Variants in CFB observed in about 807,000 individuals in gnomAD.
CFB encodes B-factor, properdin.
A neutral mutation model predicts 97.2 loss-of-function variants in CFB; 59 were observed. That is an observed-to-expected ratio of 0.61 (90% CI 0.49 to 0.75). The LOEUF (loss-of-function observed/expected upper bound fraction) is 0.75. CFB is among the 30% of genes least tolerant of loss of function. The pLI, the probability that CFB is intolerant of heterozygous loss-of-function variation, is 0.00. For missense variants in CFB, 771 were observed against 959.8 expected (o/e 0.80, Z 2.60); for synonymous variants, 316 against 351.7 (o/e 0.90, Z 1.14).
At position 31,946,588 on chromosome 6, in the gene CFB, A is replaced by G. The variant is rs1771437858; in HGVS notation, c.280A>G (p.Arg94Gly). The change falls in exon 2 of 18, where the codon AGG (arginine) becomes GGG (glycine). Residue 94 changes from arginine to glycine, a missense_variant. Coordinates refer to ENST00000425368, the MANE Select transcript of CFB (RefSeq NM_001710.6). The surrounding 1 kb of genome is among the most constrained non-coding windows in gnomAD (Gnocchi z 6.4). ...TLKTQDQKTV[R>G]KAECRAIHCP... is the part of the protein sequence containing the mutation. ...GAAGACTCAAGACCAAAAGACTGTC[A>G]GGAAGGCAGAGTGCAGAGGTTTGAG... 1.9e-6 allele frequency: 3 copies of G among 1,610,274 alleles called. No individual in the cohort carries two copies. The African/African-American group carries it at 4.0e-5, about 21-fold the overall frequency.
At chr6:31,948,120 C>T in intron 6 of CFB, 39 bp downstream of exon 6, 3 of 1,610,146 alleles carry the variant, frequency 1.9e-6, no homozygotes, top group Non-Finnish European at 2.5e-6. Context: ...GGAATGGAAT[C>T]TCGCTGATCT....
At position 31,949,960 on chromosome 6, in the gene CFB, C is replaced by G; in HGVS notation, c.1409-90C>G. 2.4e-6 allele frequency: 3 copies of G among 1,257,142 alleles called. No homozygotes were observed. In the East Asian group the frequency reaches 7.0e-5, roughly 29 times the overall value. 77.9% of individuals were successfully genotyped at this position (1,257,142 alleles called of 1,614,324 possible). Reference sequence around the variant, plus strand: ...GGTCTTTCCCTTTCTCCTTTTGGGCCTTTGCTCCCCATAGACTCCTACCCA... The same window carrying G: ...GGTCTTTCCCTTTCTCCTTTTGGGCGTTTGCTCCCCATAGACTCCTACCCA... On this transcript the variant is annotated intron_variant, in intron 10 of 17. Transcript: ENST00000425368.
Position 31,950,674 on chromosome 6 carries a change from C to G in CFB, c.1680C>G (p.Asn560Lys). Residue 560 changes from asparagine (N) to lysine (K), a missense_variant, in exon 13 of 18, where the codon AAC (asparagine) becomes AAG (lysine). Transcript: ENST00000425368. Reference protein sequence around the residue: ...IEVVLFHPNYNINGKKEAGIP... With the variant: ...IEVVLFHPNYKINGKKEAGIP... ...TAGTCCTATTTCACCCCAACTACAACATTAATGGGAAAAAAGAAGCAGGAA... is the reference window on the plus strand; with the variant it reads ...TAGTCCTATTTCACCCCAACTACAAGATTAATGGGAAAAAAGAAGCAGGAA... 1 of 1,613,028 alleles carries G rather than the reference C, an allele frequency of 6.2e-7. No individual in the cohort carries two copies. The highest frequency in any genetic ancestry group is 8.5e-7 in the Non-Finnish European group (1 of 1,180,020).
In CFB at chr6:31,947,482, G is replaced by A; in HGVS notation, c.619G>A (p.Glu207Lys). Residue 207 changes from glutamate (E) to lysine (K), a missense_variant, in exon 4 of 18, where the codon GAA becomes AAA. Coordinates refer to ENST00000425368, the MANE Select transcript of CFB (RefSeq NM_001710.6). This position sits in a 1 kb window ranked among gnomAD's most constrained non-coding sequence, Gnocchi z 5.3. ...LRGSQRRTCQEGGSWSGTEPS... is the reference protein window; with the variant it reads ...LRGSQRRTCQKGGSWSGTEPS... ...TGGCTCCCAGCGGCGAACGTGTCAGGAAGGTGGCTCTTGGAGCGGGACGGA... is the reference window on the plus strand; with the variant it reads ...TGGCTCCCAGCGGCGAACGTGTCAGAAAGGTGGCTCTTGGAGCGGGACGGA... 1 of 1,613,004 alleles carries A rather than the reference G, an allele frequency of 6.2e-7. No homozygotes were observed. Among genetic ancestry groups the A allele is most frequent in the Non-Finnish European group, 8.5e-7 (1 of 1,180,028 alleles).
At position 31,946,773 on chromosome 6, in the gene CFB, C is replaced by T. The variant is rs891978233; in HGVS notation, c.298+167C>T. On this transcript the variant is annotated intron_variant, in intron 2 of 17. Coordinates refer to ENST00000425368, the MANE Select transcript of CFB (RefSeq NM_001710.6). This position sits in a 1 kb window ranked among gnomAD's most constrained non-coding sequence, Gnocchi z 6.4. ...GGGGGCAAGAAAAAGCGGAGTTAAC[C>T]CTTACTAAGCATTTACCCTGGGCTT... is the stretch of plus-strand genomic sequence containing the variant. 7 of 802,958 alleles carry T rather than the reference C, an allele frequency of 8.7e-6. No individual in the cohort carries two copies. The highest frequency in any genetic ancestry group is 1.3e-5 in the Non-Finnish European group (6 of 479,392). 49.7% of individuals were successfully genotyped at this position (802,958 alleles called of 1,614,324 possible).
intron 10 of CFB, 173 bp from the exon 11 acceptor site, chr6:31,949,877 T>C (rs1279304094): frequency 4.0e-6 from 3 of 751,136 alleles, no homozygotes; most frequent in Non-Finnish European, 6.9e-6. Context: ...TCCCAAGTTC[T>C]TTCCCTTTTC....
In CFB at chr6:31,948,419, G is replaced by A. The variant is rs1771567546; in HGVS notation, c.943G>A (p.Ala315Thr). Residue 315 changes from alanine (A) to threonine (T), a missense_variant, in exon 7 of 18, where the codon GCC (alanine) becomes ACC (threonine). By Grantham distance (58) the Ala-to-Thr change is moderately conservative. Transcript: ENST00000425368. ...GCCAAGATATGGTCTAGTGACATAT[G>A]CCACATACCCCAAAATTTGGGTCAA... is the stretch of plus-strand genomic sequence containing the variant. The part of the protein sequence containing the change: ...VKPRYGLVTY[A>T]TYPKIWVKVS... The A allele has an allele frequency of 2.5e-6, 4 of 1,614,202 alleles. No individual in the cohort carries two copies. The highest frequency in any genetic ancestry group is 1.3e-5 in the African/African-American group (1 of 75,058).
Position 31,947,742 on chromosome 6 carries a change from A to G in CFB, c.659A>G (p.Asp220Gly). 2 of 1,612,240 alleles carry G rather than the reference A, an allele frequency of 1.2e-6. No homozygotes were observed. Among genetic ancestry groups the G allele is most frequent in the Non-Finnish European group, 1.7e-6 (2 of 1,179,784 alleles). The change falls in exon 5 of 18, where the codon GAC becomes GGC. Residue 220 changes from aspartate (D) to glycine (G), a missense_variant and splice_region_variant. Physicochemically the swap from Asp to Gly is moderately conservative, Grantham distance 94. Coordinates refer to ENST00000425368, the MANE Select transcript of CFB (RefSeq NM_001710.6). The surrounding 1 kb of genome is among the most constrained non-coding windows in gnomAD (Gnocchi z 5.3). ...TTGACCTCATTTCTGACTCTCCCAG[A>G]CTCCTTCATGTACGACACCCCTCAA... ...SWSGTEPSCQ[D>G]SFMYDTPQEV...
rs759506522 is a variant in CFB at position 31,948,484 on chromosome 6, G to A, written c.1008G>A (p.Thr336=). The change falls in exon 7 of 18, where the codon ACG becomes ACA. Residue 336 remains threonine, a synonymous_variant. Coordinates refer to ENST00000425368, the MANE Select transcript of CFB (RefSeq NM_001710.6). ...ACAGCAGTAATGCAGACTGGGTCAC[G>A]AAGCAGCTCAATGAAATCAATTATG... ...EADSSNADWV[T]KQLNEINYED... 2.7e-5 allele frequency: 43 copies of A among 1,614,086 alleles called. No homozygotes were observed. The highest frequency in any genetic ancestry group is 6.7e-5 in the East Asian group (3 of 44,894).
chr6:31,947,725 A>C lies in CFB; in HGVS notation c.659-17A>C. On this transcript the variant is annotated splice_polypyrimidine_tract_variant and intron_variant, in intron 4 of 17. Transcript: ENST00000425368. This position sits in a 1 kb window ranked among gnomAD's most constrained non-coding sequence, Gnocchi z 5.3. The stretch of plus-strand genomic sequence containing the variant: ...CTGACACTCCCAGACATTTGACCTC[A>C]TTTCTGACTCTCCCAGACTCCTTCA... The C allele has an allele frequency of 3.7e-6, 6 of 1,612,402 alleles. No homozygotes were observed. The highest frequency in any genetic ancestry group is 5.1e-6 in the Non-Finnish European group (6 of 1,179,548).
chr6:31,948,104 C>A (rs748494386), intron 6 of CFB, 23 bp downstream of exon 6: 1 of 1,607,966 alleles, frequency 6.2e-7, no homozygotes, highest in Non-Finnish European at 8.5e-7. Context: ...TATCCCTGAA[C>A]TCGGGGGAAT....
intron 11 of CFB, 69 bp from the exon 12 acceptor site, chr6:31,950,217 G>GA (rs1771666986): frequency 6.2e-7 from 1 of 1,605,624 alleles, no homozygotes; most frequent in Non-Finnish European, 8.5e-7. Flanking sequence ...GTAGGGGAAG[G>GA]AAAAAATGGC....
intron 11 of CFB, 33 bp downstream of exon 11, chr6:31,950,180 G>T: frequency 6.2e-7 from 1 of 1,610,918 alleles, no homozygotes; most frequent in Non-Finnish European, 8.5e-7. Context: ...GGGGACTTGG[G>T]GGAGGTGAGG....
chr6:31,948,145 C>T, intron 6 of CFB, 64 bp downstream of exon 6: 1 of 1,593,886 alleles, frequency 6.3e-7, no homozygotes, highest in Non-Finnish European at 8.5e-7. Context: ...GGACTAGCTC[C>T]CTGATCATTC....
chr6:31,948,688 C>A, intron 7 of CFB, 142 bp from the exon 8 acceptor site: 1 of 1,522,812 alleles, frequency 6.6e-7, no homozygotes, highest in Non-Finnish European at 9.0e-7. Flanking sequence ...GGAAGGGCCA[C>A]TTTGTGGTCA....
Position 31,950,699 on chromosome 6 carries a change from A to T in CFB, c.1705A>T (p.Ile569Phe). 1.9e-6 allele frequency: 3 copies of T among 1,613,112 alleles called. No homozygotes were observed. In the South Asian group the frequency reaches 3.3e-5, roughly 18 times the overall value. Residue 569 changes from isoleucine to phenylalanine, a missense_variant, in exon 13 of 18, where the codon ATT becomes TTT. By Grantham distance (21) the Ile-to-Phe change is conservative. Transcript: ENST00000425368. ...YNINGKKEAG[I>F]PEFYDYDVAL... ...CATTAATGGGAAAAAAGAAGCAGGA[A>T]TTCCTGAATTTTATGACTATGACGT...
rs1403720810 is a variant in CFB, at chr6:31,951,453, C to T, written c.2069C>T (p.Ala690Val). 2 of 1,614,216 alleles carry T rather than the reference C, an allele frequency of 1.2e-6. No homozygotes were observed. Among genetic ancestry groups the T allele is most frequent in the Admixed American group, 1.7e-5 (1 of 60,032 alleles). Residue 690 changes from alanine (A) to valine (V), a missense_variant, in exon 16 of 18, where the codon GCT becomes GTT. Coordinates refer to ENST00000425368, the MANE Select transcript of CFB (RefSeq NM_001710.6). The surrounding 1 kb of genome is among the most constrained non-coding windows in gnomAD (Gnocchi z 4.3). ...TGTACTGGAGGAGTGAGTCCCTATG[C>T]TGACCCCAATACTTGCAGAGGTGAG... ...FLCTGGVSPY[A>V]DPNTCRGDSG... is the part of the protein sequence containing the mutation.
Position 31,947,824 on chromosome 6 carries a change from T to C in CFB, c.741T>C (p.Ala247=), listed in dbSNP as rs770445572. ...CAGAGACCATAGAAGGAGTCGATGC[T>C]GAGGATGGGCACGGCCCAGGTTTGA... ...SLTETIEGVD[A]EDGHGPGEQQ... is the part of the protein sequence containing the mutation. Residue 247 remains alanine (A), a synonymous_variant, in exon 5 of 18, where the codon GCT becomes GCC. Transcript: ENST00000425368. The surrounding 1 kb of genome is among the most constrained non-coding windows in gnomAD (Gnocchi z 5.3). 7 of 1,613,744 alleles carry C rather than the reference T, an allele frequency of 4.3e-6. No individual in the cohort carries two copies. The highest frequency in any genetic ancestry group is 5.9e-6 in the Non-Finnish European group (7 of 1,180,018).
rs1396757896 is a variant in CFB at position 31,947,977 on chromosome 6, C to A, written c.793C>A (p.Pro265Thr). The change falls in exon 6 of 18, where the codon CCT becomes ACT. Residue 265 changes from proline (P) to threonine (T), a missense_variant. Transcript: ENST00000425368. This position sits in a 1 kb window ranked among gnomAD's most constrained non-coding sequence, Gnocchi z 5.3. ...EQQKRKIVLDPSGSMNIYLVL... is the reference protein window; with the variant it reads ...EQQKRKIVLDTSGSMNIYLVL... ...ACAGAAGCGGAAGATCGTCCTGGAC[C>A]CTTCAGGCTCCATGAACATCTACCT... 2 of 1,614,186 alleles carry A rather than the reference C, an allele frequency of 1.2e-6. No individual in the cohort carries two copies. The highest frequency in any genetic ancestry group is 2.2e-5 in the East Asian group (1 of 44,882).
Sources: gnomAD v4.1 joint callset for allele counts on GRCh38, gnomAD v4.1.1 for gene constraint, Gnocchi (gnomAD v3.1) non-coding constraint, MANE v1.5 for transcripts, NCBI Gene and HGNC (gene_info 2026-07-23, HGNC 2026-07-21) for gene names.